The following GINS1 variants were observed in gnomAD, a reference collection of about 807,000 sequenced individuals.
GINS1 encodes GINS complex subunit 1.
GINS1 carries 26 observed loss-of-function variants against 34.9 expected under a neutral mutation model. That is an observed-to-expected ratio of 0.74 (90% CI 0.55 to 1.03). The LOEUF (loss-of-function observed/expected upper bound fraction) is 1.03, where lower values mean the gene tolerates loss of function less well. Ranked by LOEUF, GINS1 falls within the 50% of genes least tolerant of loss-of-function variation. The pLI is 0.00. For synonymous variants in GINS1, 97 were observed against 84.4 expected (o/e 1.15, Z -0.82); for missense variants, 235 against 237.9 (o/e 0.99, Z 0.08).
Position 25,428,118 on chromosome 20 carries a change from C to T in GINS1, c.447+2791C>T, listed in dbSNP as rs185278656. The stretch of plus-strand genomic sequence containing the variant: ...GAAATCCTGACTTCAGGTGATCCAC[C>T]CACCTTGGCCTCCCAAAGTGCAGGG... On this transcript the variant is annotated intron_variant, in intron 5 of 6. Coordinates refer to ENST00000262460, the MANE Select transcript of GINS1 (RefSeq NM_021067.5). Among the ~76,000 whole-genome samples the T allele has an allele frequency of 5.3e-5, 8 of 152,126 alleles. No homozygotes were observed. The East Asian group carries it at 1.6e-3, about 29-fold the overall frequency.
chr20:25,412,193 T>A (rs1282721598), intron 1 of GINS1, among the ~76,000 whole-genome samples: 1 of 152,198 alleles, frequency 6.6e-6, no homozygotes, highest in Non-Finnish European at 1.5e-5. Context: ...AAAACTCCTA[T>A]GGCCGGTTTT....
intron 5 of GINS1, among the ~76,000 whole-genome samples, chr20:25,425,541 C>T (rs1426030630): frequency 6.6e-6 from 1 of 151,966 alleles, no homozygotes; most frequent in Non-Finnish European, 1.5e-5. Context: ...GAGTATGGAA[C>T]CCTATAAATG....
intron 4 of GINS1, among the ~76,000 whole-genome samples, chr20:25,422,201 T>C (rs1018302727): frequency 6.6e-6 from 1 of 152,128 alleles, no homozygotes; most frequent in Non-Finnish European, 1.5e-5. Context: ...AGAACATTGC[T>C]CCGGAACCTT....
intron 6 of GINS1, among the ~76,000 whole-genome samples, chr20:25,442,795 C>T (rs1450614249): frequency 2.0e-5 from 3 of 151,582 alleles, no homozygotes; most frequent in Non-Finnish European, 2.9e-5. Flanking sequence ...TTTGTAGAGA[C>T]GGAGTTTCAC....
In GINS1 at chr20:25,442,614, T is replaced by A. The variant is rs1166883585; in HGVS notation, c.522+838T>A. On this transcript the variant is annotated intron_variant, in intron 6 of 6. Coordinates refer to ENST00000262460, the MANE Select transcript of GINS1 (RefSeq NM_021067.5). ...ATTATTACTATTATTATTATTATTT[T>A]TTTTTTTTTTTGAGACGGAGTCTTG... Among the ~76,000 whole-genome samples the A allele has an allele frequency of 7.5e-5, 11 of 146,156 alleles. No individual in the cohort carries two copies. In the South Asian group the frequency reaches 1.5e-3, roughly 20 times the overall value.
At chr20:25,442,506 C>A (rs1050717785) in intron 6 of GINS1, among the ~76,000 whole-genome samples, 1 of 151,856 alleles carries the variant, frequency 6.6e-6, no homozygotes, top group South Asian at 2.1e-4. Context: ...AGGTGTGAAC[C>A]ACCATGCCTT....
At chr20:25,422,816 G>T (rs1262549535) in intron 4 of GINS1, among the ~76,000 whole-genome samples, 1 of 152,096 alleles carries the variant, frequency 6.6e-6, no homozygotes, top group Non-Finnish European at 1.5e-5. Context: ...TGCTCTTGTT[G>T]CCCAGGCTGG....
At chr20:25,428,969 C>CTCTTTTTTTTTTTTTTTT in intron 5 of GINS1, among the ~76,000 whole-genome samples, 1 of 127,442 alleles carries the variant, frequency 7.8e-6, no homozygotes, top group Non-Finnish European at 1.6e-5. Flanking sequence ...ATTCCTCTCT[C>CTCTTTTTTTTTTTTTTTT]TTTTTTTTTT....
intron 5 of GINS1, among the ~76,000 whole-genome samples, chr20:25,432,986 G>C (rs948934437): frequency 1.1e-4 from 17 of 151,526 alleles, no homozygotes; most frequent in African/African-American, 3.9e-4. Flanking sequence ...CAGCCACCCT[G>C]GTTCTCTTTT....
chr20:25,407,734 G>C lies in GINS1; in HGVS notation c.-87G>C, dbSNP rs971833680. On this transcript the variant is annotated 5_prime_UTR_variant, in exon 1 of 7. Coordinates refer to ENST00000262460, the MANE Select transcript of GINS1 (RefSeq NM_021067.5). Reference sequence around the variant, plus strand: ...GAGCCTGGCGCTGTAGGACTAGAACGAAAGGAGTGAGGCGCCGAGAGCCCA... The same window carrying C: ...GAGCCTGGCGCTGTAGGACTAGAACCAAAGGAGTGAGGCGCCGAGAGCCCA... The C allele has an allele frequency of 9.7e-7, 1 of 1,028,312 alleles. No homozygotes were observed. Among genetic ancestry groups the C allele is most frequent in the African/African-American group, 1.6e-5 (1 of 63,446 alleles). 63.7% of individuals were successfully genotyped at this position (1,028,312 alleles called of 1,614,324 possible).
rs1260259351 is a variant in GINS1, at chr20:25,407,854, G to A, written c.34G>A (p.Glu12Lys). Residue 12 changes from glutamate to lysine, a missense_variant, in exon 1 of 7, where the codon GAG becomes AAG. Coordinates refer to ENST00000262460, the MANE Select transcript of GINS1 (RefSeq NM_021067.5). ...FCEKAMELIRELHRAPEGQLP... is the reference protein window; with the variant it reads ...FCEKAMELIRKLHRAPEGQLP... ...CGAAAAAGCCATGGAACTGATCCGC[G>A]AGCTGCATCGCGCGCCCGAAGGGCA... 6.2e-7 allele frequency: 1 copy of A among 1,613,988 alleles called. No homozygotes were observed. The highest frequency in any genetic ancestry group is 1.1e-5 in the South Asian group (1 of 91,084).
intron 6 of GINS1, 35 bp downstream of exon 6, chr20:25,441,811 TTA>T: frequency 9.5e-7 from 1 of 1,057,358 alleles, no homozygotes; most frequent in African/African-American, 1.6e-5. Flanking sequence ...ACTTTAAATC[TTA>T]TGAGTGTTGT....
At chr20:25,422,997 G>A (rs931361134) in intron 4 of GINS1, among the ~76,000 whole-genome samples, 2 of 152,072 alleles carry the variant, frequency 1.3e-5, no homozygotes, top group Non-Finnish European at 2.9e-5. Flanking sequence ...GGCTGGTCTT[G>A]AACTCCCGAC....
At chr20:25,436,401 A>C (rs568083229) in intron 5 of GINS1, among the ~76,000 whole-genome samples, 24 of 152,076 alleles carry the variant, frequency 1.6e-4, no homozygotes, top group Non-Finnish European at 4.4e-5. Flanking sequence ...TTCAGTTACT[A>C]TTTCTTCAAA....
At position 25,426,771 on chromosome 20, in the gene GINS1, C is replaced by T. The variant is rs531864964; in HGVS notation, c.447+1444C>T. On this transcript the variant is annotated intron_variant, in intron 5 of 6. Transcript: ENST00000262460. Reference sequence around the variant, plus strand: ...AACTCCCGAGCTCAGGTGATCCTCCCTCCTCGGCCTCCCAAAGTGCTGCGA... The same window carrying T: ...AACTCCCGAGCTCAGGTGATCCTCCTTCCTCGGCCTCCCAAAGTGCTGCGA... Among the ~76,000 whole-genome samples, 4 of 152,010 alleles carry T rather than the reference C, an allele frequency of 2.6e-5. No homozygotes were observed. The South Asian group carries it at 8.3e-4, about 32-fold the overall frequency.
At position 25,445,951 on chromosome 20, in the gene GINS1, A is replaced by G; in HGVS notation, c.551A>G (p.Gln184Arg). ...TTTTTACCTCGATGGAAATGTGAGC[A>G]GCTGATCAGACAAGGAGTCCTGGAG... ...QHFLPRWKCEQLIRQGVLEHI... is the reference protein window; with the variant it reads ...QHFLPRWKCERLIRQGVLEHI... The change falls in exon 7 of 7, where the codon CAG (glutamine) becomes CGG (arginine). Residue 184 changes from glutamine (Q) to arginine (R), a missense_variant. By Grantham distance (43) the Gln-to-Arg change is conservative (BLOSUM62 1). Transcript: ENST00000262460. The G allele has an allele frequency of 6.2e-7, 1 of 1,611,788 alleles. No homozygotes were observed. The highest frequency in any genetic ancestry group is 1.1e-5 in the South Asian group (1 of 90,984).
chr20:25,415,528 A>G (rs2090314910), intron 2 of GINS1, among the ~76,000 whole-genome samples: 1 of 152,092 alleles, frequency 6.6e-6, no homozygotes, highest in African/African-American at 2.4e-5. Flanking sequence ...TCTACGAAAA[A>G]TACAAAATTA....
intron 5 of GINS1, among the ~76,000 whole-genome samples, chr20:25,427,607 T>G (rs758486331): frequency 3.7e-4 from 57 of 152,208 alleles, no homozygotes; most frequent in Non-Finnish European, 6.0e-4. Context: ...CTGTGTCTTC[T>G]TTGGAGAAAT....
chr20:25,435,440 G>A (rs550455348), intron 5 of GINS1, among the ~76,000 whole-genome samples: 7 of 152,140 alleles, frequency 4.6e-5, no homozygotes, highest in Middle Eastern at 3.4e-3. Flanking sequence ...GACTAGTGGC[G>A]CATACCTCCA....
Sources: gnomAD v4.1 joint callset for allele counts (sites outside exome capture counted in the v4.1 genomes callset) on GRCh38, gnomAD v4.1.1 for gene constraint, MANE v1.5 for transcripts, NCBI Gene and HGNC (gene_info 2026-07-23, HGNC 2026-07-21) for gene names.